KALRN: variants seen among roughly 807,000 people sequenced by gnomAD.
KALRN encodes the protein kalirin.
In KALRN, 70 loss-of-function variants were observed where a neutral mutation model predicts 353.7. The ratio of observed to expected loss-of-function variants is 0.20; its 90% CI spans 0.16 to 0.24. The LOEUF (loss-of-function observed/expected upper bound fraction) is 0.24, where lower values mean the gene tolerates loss of function less well. Ranked by LOEUF, KALRN falls within the 10% of genes least tolerant of loss-of-function variation. The pLI is 1.00. For synonymous variants in KALRN, 1,391 were observed against 1,434.8 expected (o/e 0.97, Z 0.69); for missense variants, 2,791 against 3,756.7 (o/e 0.74, Z 6.72).
intron 33 of KALRN, among the ~76,000 whole-genome samples, chr3:124,532,949 A>G (rs1490770163): frequency 6.7e-6 from 1 of 150,100 alleles, no homozygotes. Flanking sequence ...GAAAAAAAAA[A>G]AACAAATACA....
At chr3:124,684,892 C>T (rs60523444) in intron 51 of KALRN, among the ~76,000 whole-genome samples, 3,310 of 152,172 alleles carry the variant, frequency 0.022, 66 homozygotes, top group East Asian at 0.079. Context: ...GTTCCCTGGC[C>T]CGCCTTTCAT....
At chr3:124,392,790 T>A (rs1239391305) in intron 11 of KALRN, among the ~76,000 whole-genome samples, 14 of 104,008 alleles carry the variant, frequency 1.3e-4, no homozygotes, top group African/African-American at 2.7e-4. Context: ...TTTTTTTTTA[T>A]TTTTTTTTTA....
At chr3:124,632,364 G>A (rs2080878780) in intron 34 of KALRN, 56 bp from the exon 35 acceptor site, 1 of 1,565,790 alleles carries the variant, frequency 6.4e-7, no homozygotes, top group Non-Finnish European at 8.7e-7. Context: ...TCAGTCCCAG[G>A]TTTGCGGCCT....
intron 51 of KALRN, among the ~76,000 whole-genome samples, chr3:124,683,444 C>A (rs2061428517): frequency 6.6e-6 from 1 of 152,162 alleles, no homozygotes; most frequent in African/African-American, 2.4e-5. Flanking sequence ...TGCCCCCTAG[C>A]CCCAGCATTG....
intron 14 of KALRN, among the ~76,000 whole-genome samples, chr3:124,413,934 C>A (rs1195858113): frequency 1.3e-5 from 2 of 151,962 alleles, no homozygotes; most frequent in African/African-American, 4.8e-5. Context: ...GGTGAAACCC[C>A]TTCTCTACTA....
At chr3:124,556,680 C>G (rs1291366806) in intron 33 of KALRN, among the ~76,000 whole-genome samples, 1 of 152,190 alleles carries the variant, frequency 6.6e-6, no homozygotes, top group African/African-American at 2.4e-5. Flanking sequence ...CATTTTTCCC[C>G]ATTACCTTTG....
intron 34 of KALRN, among the ~76,000 whole-genome samples, chr3:124,572,359 A>C (rs1208464183): frequency 3.3e-5 from 5 of 152,016 alleles, no homozygotes; most frequent in African/African-American, 7.2e-5. Context: ...AAAAAAAAAA[A>C]CAGGTTGAAT....
At chr3:124,599,762 C>T (rs1238541824) in intron 34 of KALRN, among the ~76,000 whole-genome samples, 2 of 152,164 alleles carry the variant, frequency 1.3e-5, no homozygotes, top group African/African-American at 4.8e-5. Context: ...ACCTCAATAA[C>T]CTTTTAAGGT....
At chr3:124,477,371 C>A in intron 27 of KALRN, 37 bp downstream of exon 27, 1 of 1,458,278 alleles carries the variant, frequency 6.9e-7, no homozygotes, top group Non-Finnish European at 9.6e-7. Flanking sequence ...AGCTGATGAG[C>A]AGGTGGAAAT....
At chr3:124,203,621 G>T (rs1425146685) in intron 1 of KALRN, among the ~76,000 whole-genome samples, 1 of 152,142 alleles carries the variant, frequency 6.6e-6, no homozygotes, top group African/African-American at 2.4e-5. Context: ...GAGTGATAAA[G>T]AAAAATAATA....
intron 17 of KALRN, among the ~76,000 whole-genome samples, chr3:124,436,011 T>G (rs2093446798): frequency 6.6e-6 from 1 of 152,190 alleles, no homozygotes; most frequent in African/African-American, 2.4e-5. Flanking sequence ...GTATCTGGTA[T>G]AAGAATAAAC....
chr3:124,080,101 A>G (rs2060464019), intron 1 of KALRN: 1 of 470,458 alleles, frequency 2.1e-6, no homozygotes, highest in African/African-American at 2.0e-5. Flanking sequence ...AGGTTAGTGA[A>G]CTCTAGTACT....
intron 1 of KALRN, among the ~76,000 whole-genome samples, chr3:124,053,213 TG>T (rs1304719174): frequency 2.0e-5 from 3 of 152,158 alleles, no homozygotes; most frequent in Non-Finnish European, 4.4e-5. Context: ...GATTTTATTT[TG>T]TAAGCACTAG....
At chr3:124,051,304 T>C (rs1376977147) in intron 1 of KALRN, among the ~76,000 whole-genome samples, 1 of 152,090 alleles carries the variant, frequency 6.6e-6, no homozygotes, top group African/African-American at 2.4e-5. Context: ...TTCTGAGAGG[T>C]TGGTGTTTTG....
intron 1 of KALRN, among the ~76,000 whole-genome samples, chr3:124,141,373 C>T (rs1444289277): frequency 6.6e-6 from 1 of 152,190 alleles, no homozygotes; most frequent in Admixed American, 6.5e-5. Flanking sequence ...TTCCCACCAG[C>T]TCTGTCTTCT....
chr3:124,465,748 A>G lies in KALRN; in HGVS notation c.4031+3115A>G, dbSNP rs117216882. Among the ~76,000 whole-genome samples, 79 of 152,326 alleles carry G rather than the reference A, an allele frequency of 5.2e-4. 1 individual carries two copies. In the East Asian group the frequency reaches 0.014, roughly 28 times the overall value. On this transcript the variant is annotated intron_variant, in intron 25 of 59. Coordinates refer to ENST00000682506, the MANE Select transcript of KALRN (RefSeq NM_001388419.1). The stretch of plus-strand genomic sequence containing the variant: ...TGCAATTAAGCATTGTCTAACGGAA[A>G]CATGCTCCTCTCATTTCTAGTGCAT...
At chr3:124,486,143 A>G (rs1375130235) in intron 28 of KALRN, among the ~76,000 whole-genome samples, 1 of 152,166 alleles carries the variant, frequency 6.6e-6, no homozygotes, top group Non-Finnish European at 1.5e-5. Context: ...TTACAAAAGG[A>G]TCCTAAATTA....
At position 124,490,852 on chromosome 3, in the gene KALRN, C is replaced by T. The variant is rs751347515; in HGVS notation, c.4555C>T (p.His1519Tyr). Residue 1519 changes from histidine (H) to tyrosine (Y), a missense_variant, in exon 30 of 60, where the codon CAC (histidine) becomes TAC (tyrosine). Around this residue, in one of 11 missense-constraint regions of KALRN, gnomAD observed 239 missense variants for 351.3 expected, o/e 0.68. Coordinates refer to ENST00000682506, the MANE Select transcript of KALRN (RefSeq NM_001388419.1). The stretch of plus-strand genomic sequence containing the variant: ...CAAGGAGATCAAAGATTCTTCAGGA[C>T]ACACGAAATATGTTTACAAGAACAA... ...FSKEIKDSSG[H>Y]TKYVYKNKLL... 1.9e-6 allele frequency: 3 copies of T among 1,613,552 alleles called. No individual in the cohort carries two copies. Among genetic ancestry groups the T allele is most frequent in the Non-Finnish European group, 2.5e-6 (3 of 1,179,864 alleles).
chr3:124,461,815 G>A (rs2059893101), intron 23 of KALRN, 75 bp from the exon 24 acceptor site: 1 of 1,007,574 alleles, frequency 9.9e-7, no homozygotes, highest in Non-Finnish European at 1.6e-6. Context: ...TACATGCTGG[G>A]GTGGGGAAGT....
Sources: gnomAD v4.1 joint callset for allele counts (sites outside exome capture counted in the v4.1 genomes callset) on GRCh38, gnomAD v4.1.1 for gene constraint, gnomAD v4.1.1 regional missense constraint, MANE v1.5 for transcripts, NCBI Gene and HGNC (gene_info 2026-07-23, HGNC 2026-07-21) for gene names.